The following LINGO1 variants were observed in gnomAD, a reference collection of about 807,000 sequenced individuals.
LINGO1 encodes leucine-rich repeat and immunoglobulin-like domain-containing nogo receptor-interacting protein 1.
LINGO1 carries 11 observed loss-of-function variants against 37.3 expected under a neutral mutation model. That is an observed-to-expected ratio of 0.29 (90% CI 0.19 to 0.49). LINGO1 has a LOEUF of 0.49. Among genes scored for constraint, LINGO1 ranks in the 20% least tolerant of loss-of-function variants. The probability of loss-of-function intolerance (pLI) is 0.99; values close to 1 mark genes in which losing one functional copy is unlikely to be tolerated. For synonymous variants in LINGO1, 387 were observed against 403.0 expected, an observed-to-expected ratio of 0.96 and a Z score of 0.48; for missense variants, 585 against 878.2, an observed-to-expected ratio of 0.67 and a Z score of 4.22.
intron 2 of LINGO1, among the ~76,000 whole-genome samples, chr15:77,708,724 C>T (rs1462143707): frequency 1.3e-5 from 2 of 152,088 alleles, no homozygotes; most frequent in Non-Finnish European, 2.9e-5. Flanking sequence ...ACCAGCCTGG[C>T]CAACATGGTG....
At chr15:77,809,150 G>A (rs1344459954) in intron 1 of LINGO1, among the ~76,000 whole-genome samples, 2 of 152,242 alleles carry the variant, frequency 1.3e-5, no homozygotes, top group Non-Finnish European at 2.9e-5. Flanking sequence ...GCCAGGCCAG[G>A]TGGAGGAGGT....
At chr15:77,637,034 G>A (rs867497352), upstream of LINGO1, among the ~76,000 whole-genome samples, 88 of 152,206 alleles carry the variant, frequency 5.8e-4, no homozygotes, top group Middle Eastern at 0.014. This position sits in a 1 kb window ranked among gnomAD's most constrained non-coding sequence, Gnocchi z 4.6. Context: ...CTCCTCAAGA[G>A]TCAGAGCAGA....
At chr15:77,756,481 GACAGACACACACACACACACACAC>G (rs2076420168) in intron 1 of LINGO1, among the ~76,000 whole-genome samples, 1 of 128,158 alleles carries the variant, frequency 7.8e-6, no homozygotes, top group South Asian at 2.4e-4. Flanking sequence ...ATGACAGACA[GACAGACACACACACACACACACAC>G]ACACACACAC....
chr15:77,708,999 C>T (rs1485162264), intron 2 of LINGO1, among the ~76,000 whole-genome samples: 1 of 152,160 alleles, frequency 6.6e-6, no homozygotes, highest in African/African-American at 2.4e-5. Context: ...TGGAGTGATG[C>T]ATCTTCAAGC....
intron 1 of LINGO1, among the ~76,000 whole-genome samples, chr15:77,749,465 G>A (rs1049572343): frequency 1.3e-5 from 2 of 152,202 alleles, no homozygotes; most frequent in African/African-American, 4.8e-5. Flanking sequence ...TGGCCTCACA[G>A]CCCTGGTAAG....
chr15:77,663,689 G>A lies in LINGO1; in HGVS notation c.-13+13400C>T, dbSNP rs183645732. ...TCAGTGTTTGGGTGTTCTCTGCGTG[G>A]GGGTGCGCTTACACGCCCCAGTTCC... On this transcript the variant is annotated intron_variant, in intron 3 of 3. Coordinates refer to the LINGO1 transcript ENST00000559893. 2.7e-3 allele frequency among the ~76,000 whole-genome samples: 414 copies of A among 152,268 alleles called. 1 individual carries two copies. The highest frequency in any genetic ancestry group is 9.4e-3 in the African/African-American group (391 of 41,552).
chr15:77,634,255 A>G (rs549331030), upstream of LINGO1: 1 of 456,016 alleles, frequency 2.2e-6, no homozygotes, highest in African/African-American at 2.0e-5. Flanking sequence ...CCTCACACAC[A>G]GCCCAAAGGC....
intron 1 of LINGO1, among the ~76,000 whole-genome samples, chr15:77,776,448 A>AGCAGGAAAGCAGGAAG (rs2076641301): frequency 9.6e-6 from 1 of 103,782 alleles, no homozygotes; most frequent in African/African-American, 4.6e-5. Flanking sequence ...CCGGGGCTTT[A>AGCAGGAAAGCAGGAAG]GCAGGAAGGC....
At chr15:77,675,168 C>T (rs1049694456) in intron 3 of LINGO1, among the ~76,000 whole-genome samples, 6 of 152,162 alleles carry the variant, frequency 3.9e-5, no homozygotes, top group Admixed American at 2.6e-4. Flanking sequence ...ATTTTGCATA[C>T]AGTTTGTAGG....
intron 1 of LINGO1, among the ~76,000 whole-genome samples, chr15:77,766,311 A>AAC (rs1216298407): frequency 1.5e-4 from 22 of 151,238 alleles, no homozygotes; most frequent in African/African-American, 5.3e-4. Flanking sequence ...AAAAAAAAAA[A>AAC]AAAAAACACA....
At chr15:77,765,669 C>T (rs1353017435) in intron 1 of LINGO1, among the ~76,000 whole-genome samples, 2 of 152,168 alleles carry the variant, frequency 1.3e-5, no homozygotes, top group Admixed American at 1.3e-4. Flanking sequence ...AGGCACCCAG[C>T]CCACCCAGCC....
intron 1 of LINGO1, among the ~76,000 whole-genome samples, chr15:77,772,516 C>T (rs1317332226): frequency 2.0e-5 from 3 of 152,088 alleles, no homozygotes; most frequent in Admixed American, 6.5e-5. Flanking sequence ...CTCCCCAGGT[C>T]CTGCCAACCT....
intron 1 of LINGO1, among the ~76,000 whole-genome samples, chr15:77,770,867 G>A (rs542599080): frequency 2.0e-5 from 3 of 152,346 alleles, no homozygotes; most frequent in South Asian, 4.1e-4. Context: ...GATGCCCACC[G>A]CCTACCTGGC....
At chr15:77,797,194 C>CA (rs1182358472) in intron 1 of LINGO1, among the ~76,000 whole-genome samples, 1 of 152,188 alleles carries the variant, frequency 6.6e-6, no homozygotes, top group Non-Finnish European at 1.5e-5. Context: ...TCCTTCTGGC[C>CA]AGGTGGCCCT....
upstream of LINGO1, chr15:77,634,330 T>C (rs1432486102): frequency 2.2e-6 from 1 of 456,152 alleles, no homozygotes; most frequent in South Asian, 1.5e-5. Flanking sequence ...TGGCACACCG[T>C]TGCTCTGGAC....
At chr15:77,662,037 T>C (rs956130454) in intron 3 of LINGO1, among the ~76,000 whole-genome samples, 1 of 152,116 alleles carries the variant, frequency 6.6e-6, no homozygotes, top group Non-Finnish European at 1.5e-5. Flanking sequence ...GAGGAGATGG[T>C]AGGTAGGTTG....
At chr15:77,699,729 C>A, upstream of LINGO1, among the ~76,000 whole-genome samples, 1 of 3,742 alleles carries the variant, frequency 2.7e-4, no homozygotes, top group Non-Finnish European at 5.3e-4. Flanking sequence ...ACAATAAGCA[C>A]ATACTAACCA....
upstream of LINGO1, among the ~76,000 whole-genome samples, chr15:77,791,783 G>A (rs1406234716): frequency 6.6e-6 from 1 of 152,092 alleles, no homozygotes; most frequent in Non-Finnish European, 1.5e-5. Flanking sequence ...GCTGACAGCA[G>A]CCGTGACAAG....
Position 77,613,480 on chromosome 15 carries a change from C to G in LINGO1, c.*564G>C, listed in dbSNP as rs775143450. On this transcript the variant is annotated 3_prime_UTR_variant, in exon 2 of 2. Coordinates refer to ENST00000355300, the MANE Select transcript of LINGO1 (RefSeq NM_032808.7). ...AGCCTGCTCCTGATGGTGCCTGGGG[C>G]GGGGTGGGCAGGTGGGTGGGGCTGG... is the stretch of plus-strand genomic sequence containing the variant. 1 of 157,102 alleles carries G rather than the reference C, an allele frequency of 6.4e-6. No individual in the cohort carries two copies. Among genetic ancestry groups the G allele is most frequent in the Non-Finnish European group, 1.4e-5 (1 of 70,904 alleles). 9.7% of individuals were successfully genotyped at this position (157,102 alleles called of 1,614,324 possible).
Sources: allele counts gnomAD v4.1 joint callset (sites outside exome capture counted in the v4.1 genomes callset), GRCh38; gene constraint gnomAD v4.1.1; non-coding constraint Gnocchi (gnomAD v3.1); transcripts MANE v1.5; gene names NCBI Gene and HGNC (gene_info 2026-07-23, HGNC 2026-07-21).